PLB1: variants seen among roughly 807,000 people sequenced by gnomAD.
The protein encoded by PLB1 is phospholipase B1, membrane-associated.
A neutral mutation model predicts 227.4 loss-of-function variants in PLB1; 242 were observed. The observed-to-expected ratio is 1.06, with a 90% confidence interval of 0.96 to 1.18. The LOEUF is 1.18. PLB1 is among the 50% of genes most tolerant of loss of function. The probability of loss-of-function intolerance (pLI) is 0.00; values close to 1 mark genes in which losing one functional copy is unlikely to be tolerated. For synonymous variants in PLB1, 757 were observed against 682.2 expected, an observed-to-expected ratio of 1.11 and a Z score of -1.71; for missense variants, 1,858 against 1,816.3, an observed-to-expected ratio of 1.02 and a Z score of -0.42.
chr2:28,549,666 T>G (rs965691034), intron 15 of PLB1, among the ~76,000 whole-genome samples: 1 of 152,220 alleles, frequency 6.6e-6, no homozygotes, highest in South Asian at 2.1e-4. Flanking sequence ...TTTTTGTTAC[T>G]ATGCAATAAT....
Position 28,612,769 on chromosome 2 carries a change from A to ATTTTT in PLB1, c.3130-1247_3130-1243dup, listed in dbSNP as rs10557060. Among the ~76,000 whole-genome samples, 87 of 124,912 alleles carry ATTTTT rather than the reference A, an allele frequency of 7.0e-4. 2 individuals are homozygous for ATTTTT. The highest frequency in any genetic ancestry group is 2.1e-3 in the African/African-American group (67 of 32,612). 81.9% of individuals were successfully genotyped at this position (124,912 alleles called of 152,430 possible). A position where few individuals can be genotyped will look rare whatever the true frequency, so the allele number is the denominator to read the frequency against. On this transcript the variant is annotated intron_variant, in intron 43 of 57. Transcript: ENST00000327757. The stretch of plus-strand genomic sequence containing the variant: ...GATTACAGATGTGTACCACACCTGG[A>ATTTTT]TTTTTTTTTTTTTTTTTTTGTATTT...
chr2:28,518,311 A>G (rs1236394601), intron 2 of PLB1, among the ~76,000 whole-genome samples, 155 bp from the exon 3 acceptor site: 2 of 152,186 alleles, frequency 1.3e-5, no homozygotes, highest in African/African-American at 4.8e-5. Flanking sequence ...TGAACTGGGT[A>G]TGGGGTTAGG....
intron 6 of PLB1, among the ~76,000 whole-genome samples, chr2:28,526,912 C>CA (rs1456242194): frequency 6.6e-6 from 1 of 152,164 alleles, no homozygotes; most frequent in East Asian, 1.9e-4. Context: ...CCTGGCAGTT[C>CA]AGCCCTCCTG....
rs893693700 is a variant in PLB1 at position 28,629,113 on chromosome 2, A to G, written c.3746A>G (p.Asn1249Ser). ...CTGCAGCTCCCAAGGGCTTTCGTCA[A>G]CGTGGTGGAGGTCATGGAGCTGGCT... ...LSEELPRAFV[N>S]VVEVMELASL... Residue 1249 changes from asparagine (N) to serine (S), a missense_variant, in exon 53 of 58, where the codon AAC (asparagine) becomes AGC (serine). Transcript: ENST00000327757. 2 of 1,613,858 alleles carry G rather than the reference A, an allele frequency of 1.2e-6. No individual in the cohort carries two copies. Among genetic ancestry groups the G allele is most frequent in the South Asian group, 1.1e-5 (1 of 91,036 alleles).
intron 29 of PLB1, 50 bp from the exon 30 acceptor site, chr2:28,591,083 A>G: frequency 6.2e-7 from 1 of 1,610,484 alleles, no homozygotes; most frequent in East Asian, 2.2e-5. Flanking sequence ...GCTGACAAGC[A>G]GAGAAGTGAG....
intron 19 of PLB1, 73 bp from the exon 20 acceptor site, chr2:28,566,723 G>C: frequency 1.3e-6 from 2 of 1,539,312 alleles, no homozygotes. Context: ...GGGCGTTTCT[G>C]GCTAGTGTCT....
rs759891254 is a variant in PLB1 at position 28,630,583 on chromosome 2, C to T, written c.3819-3C>T. On this transcript the variant is annotated splice_polypyrimidine_tract_variant and splice_region_variant and intron_variant, in intron 53 of 57. Transcript: ENST00000327757. ...CCTCAATACAACACTCCCTGTCTCACAGGAACAACTGCACTTGCCTCAGAC... is the reference window on the plus strand; with the variant it reads ...CCTCAATACAACACTCCCTGTCTCATAGGAACAACTGCACTTGCCTCAGAC... 6.2e-7 allele frequency: 1 copy of T among 1,613,278 alleles called. No homozygotes were observed.
intron 43 of PLB1, among the ~76,000 whole-genome samples, chr2:28,612,609 C>CTT (rs34185578): frequency 2.1e-4 from 29 of 137,450 alleles, no homozygotes; most frequent in African/African-American, 5.2e-4. Context: ...CTGGTTTTCC[C>CTT]TTTTTTTTTT....
rs190910044 is a variant in PLB1, at chr2:28,519,494, C to T, written c.185-211C>T. Among the ~76,000 whole-genome samples the T allele has an allele frequency of 1.1e-4, 16 of 152,288 alleles. No homozygotes were observed. The East Asian group carries it at 2.9e-3, about 28-fold the overall frequency. On this transcript the variant is annotated intron_variant, in intron 3 of 57. Transcript: ENST00000327757. ...CTCAAGTCCAGTTAACAGTGTGGCT[C>T]CCAGAGGGGAGCGGGTGTCTTTCTG...
rs769099963 is a variant in PLB1, at chr2:28,620,949, A to T, written c.3498A>T (p.Leu1166=). The T allele has an allele frequency of 6.2e-7, 1 of 1,613,548 alleles. No individual in the cohort carries two copies. Among genetic ancestry groups the T allele is most frequent in the Non-Finnish European group, 8.5e-7 (1 of 1,179,658 alleles). Residue 1166 remains leucine, a synonymous_variant, in exon 49 of 58, where the codon CTA becomes CTT. Coordinates refer to ENST00000327757, the MANE Select transcript of PLB1 (RefSeq NM_153021.5). ...STSTWEGTAG[L]NVAAEGARAR... ...GCACCTGGGAGGGGACAGCAGGACT[A>T]AATGTGGCAGCGGAAGGGGCCAGAG...
At chr2:28,540,985 A>G (rs982360511) in intron 12 of PLB1, among the ~76,000 whole-genome samples, 2 of 152,154 alleles carry the variant, frequency 1.3e-5, no homozygotes, top group Admixed American at 1.3e-4. Flanking sequence ...AGTCTGGGCA[A>G]CATAGTGAAA....
At chr2:28,511,897 G>A (rs1250665314) in intron 1 of PLB1, among the ~76,000 whole-genome samples, 3 of 148,418 alleles carry the variant, frequency 2.0e-5, no homozygotes, top group African/African-American at 7.5e-5. Context: ...TAATTCTCCT[G>A]CTTCAGCCTT....
chr2:28,626,634 C>A, intron 51 of PLB1, 126 bp downstream of exon 51: 1 of 821,052 alleles, frequency 1.2e-6, no homozygotes, highest in Non-Finnish European at 2.0e-6. Context: ...TTGCCTGCTG[C>A]CCCAGGCCCT....
In PLB1 at chr2:28,573,323, G is replaced by A. The variant is rs1192270742; in HGVS notation, c.1433+18G>A. The A allele has an allele frequency of 1.9e-6, 3 of 1,591,740 alleles. No homozygotes were observed. Among genetic ancestry groups the A allele is most frequent in the Non-Finnish European group, 2.6e-6 (3 of 1,160,684 alleles). ...CGAGCTGAGTAAGCAGGGGTGACCG[G>A]GGCGGTGAACAGCACAGGTCCTCTG... On this transcript the variant is annotated intron_variant, in intron 21 of 57. Coordinates refer to ENST00000327757, the MANE Select transcript of PLB1 (RefSeq NM_153021.5).
At chr2:28,540,278 C>T in intron 11 of PLB1, 88 bp from the exon 12 acceptor site, 2 of 1,087,388 alleles carry the variant, frequency 1.8e-6, no homozygotes, top group Non-Finnish European at 2.8e-6. Flanking sequence ...TCCTATGCCC[C>T]TTCTTCCATA....
intron 1 of PLB1, among the ~76,000 whole-genome samples, chr2:28,500,142 G>A (rs915503061): frequency 1.4e-4 from 21 of 152,108 alleles, no homozygotes; most frequent in African/African-American, 5.1e-4. Context: ...CATTTCTTCA[G>A]TCATTGCTTA....
Position 28,632,058 on chromosome 2 carries a change from A to G in PLB1, c.3920A>G (p.Tyr1307Cys), listed in dbSNP as rs758610750. ...CAGCATGGCATCTCCAGTTTCTCCT[A>G]CTGGCACCAATACACACAGCGTGAG... ...NLQHGISSFS[Y>C]WHQYTQREDF... Residue 1307 changes from tyrosine to cysteine, a missense_variant, in exon 55 of 58, where the codon TAC becomes TGC. Coordinates refer to ENST00000327757, the MANE Select transcript of PLB1 (RefSeq NM_153021.5). 5 of 1,614,000 alleles carry G rather than the reference A, an allele frequency of 3.1e-6. No individual in the cohort carries two copies. The Admixed American group carries it at 6.7e-5, about 22-fold the overall frequency.
intron 41 of PLB1, among the ~76,000 whole-genome samples, chr2:28,605,162 C>T (rs1036850802): frequency 1.3e-5 from 2 of 152,202 alleles, no homozygotes; most frequent in African/African-American, 2.4e-5. Context: ...CTGCCACGCA[C>T]GTGGTCTCTC....
chr2:28,539,155 T>C lies in PLB1; in HGVS notation c.675T>C (p.Arg225=). Residue 225 remains arginine (R), a synonymous_variant, in exon 11 of 58, where the codon CGT becomes CGC. Transcript: ENST00000327757. ...VDLSEVAEVS[R]QYHGTWLSPA... is the part of the protein sequence containing the mutation. ...TCTCTGAGGTTGCAGAGGTCTCTCG[T>C]CAGTATCACGGCACTTGGCTCAGGT... The C allele has an allele frequency of 6.2e-7, 1 of 1,613,934 alleles. No individual in the cohort carries two copies. Among genetic ancestry groups the C allele is most frequent in the Non-Finnish European group, 8.5e-7 (1 of 1,179,806 alleles).
Sources: gnomAD v4.1 joint callset for allele counts (sites outside exome capture counted in the v4.1 genomes callset) on GRCh38, gnomAD v4.1.1 for gene constraint, MANE v1.5 for transcripts, NCBI Gene and HGNC (gene_info 2026-07-23, HGNC 2026-07-21) for gene names.